RHOH: variants seen among roughly 807,000 people sequenced by gnomAD.
RHOH encodes the protein rho-related GTP-binding protein RhoH.
A neutral mutation model predicts 13.8 loss-of-function variants in RHOH; 6 were observed. That is an observed-to-expected ratio of 0.44 (90% CI 0.24 to 0.86). The LOEUF (loss-of-function observed/expected upper bound fraction) is 0.86. Among genes scored for constraint, RHOH ranks in the 40% least tolerant of loss-of-function variants. RHOH has a pLI of 0.24. For missense variants in RHOH, 147 were observed against 244.5 expected (o/e 0.60, Z 2.66); for synonymous variants, 117 against 103.0 (o/e 1.14, Z -0.82).
chr4:40,235,853 G>A (rs534228729), intron 1 of RHOH, among the ~76,000 whole-genome samples: 1 of 151,932 alleles, frequency 6.6e-6, no homozygotes, highest in East Asian at 1.9e-4. Context: ...ATAGTAGCAC[G>A]CAACTGTAGT....
intron 1 of RHOH, among the ~76,000 whole-genome samples, chr4:40,236,099 G>A (rs545053477): frequency 1.8e-4 from 28 of 152,326 alleles, no homozygotes; most frequent in South Asian, 1.2e-3. Context: ...GGGAATTACA[G>A]TGTGTGTTGG....
intron 1 of RHOH, among the ~76,000 whole-genome samples, chr4:40,219,844 G>T (rs1324821756): frequency 1.3e-5 from 2 of 152,150 alleles, no homozygotes; most frequent in African/African-American, 4.8e-5. Context: ...ATGTTGCATA[G>T]TCTGGAGAAA....
chr4:40,235,711 T>C (rs1285638530), intron 1 of RHOH, among the ~76,000 whole-genome samples: 3 of 149,816 alleles, frequency 2.0e-5, no homozygotes, highest in South Asian at 4.2e-4. Context: ...CAGTAGCTCA[T>C]GCCTGTAATC....
At chr4:40,214,915 C>T (rs1266299941) in intron 1 of RHOH, among the ~76,000 whole-genome samples, 2 of 152,262 alleles carry the variant, frequency 1.3e-5, no homozygotes, top group Non-Finnish European at 2.9e-5. Flanking sequence ...GGAAAGAATA[C>T]ACAGGCTGTG....
At chr4:40,227,398 G>A (rs1024809194) in intron 1 of RHOH, among the ~76,000 whole-genome samples, 1 of 152,238 alleles carries the variant, frequency 6.6e-6, no homozygotes, top group Non-Finnish European at 1.5e-5. Context: ...ATCCTGTGTA[G>A]ATGGAAAGTG....
intron 1 of RHOH, among the ~76,000 whole-genome samples, chr4:40,236,869 G>A (rs1241288136): frequency 1.3e-5 from 2 of 151,984 alleles, no homozygotes; most frequent in African/African-American, 4.8e-5. Context: ...CACATATATA[G>A]CTAATTATGG....
At chr4:40,197,952 T>C (rs1269305437) in intron 1 of RHOH, among the ~76,000 whole-genome samples, 1 of 152,192 alleles carries the variant, frequency 6.6e-6, no homozygotes, top group African/African-American at 2.4e-5. Context: ...TAAATGAAAG[T>C]TGCCATTGAC....
At chr4:40,234,563 C>T (rs763141973) in intron 1 of RHOH, among the ~76,000 whole-genome samples, 5 of 151,948 alleles carry the variant, frequency 3.3e-5, no homozygotes, top group Non-Finnish European at 5.9e-5. Context: ...GAGGGCAGGA[C>T]ACACGGCTCA....
At chr4:40,220,232 C>A (rs529444504) in intron 1 of RHOH, among the ~76,000 whole-genome samples, 1 of 152,244 alleles carries the variant, frequency 6.6e-6, no homozygotes. Flanking sequence ...AGTCCTATTT[C>A]TTTCTCTCCT....
chr4:40,214,800 A>C (rs1281612821), intron 1 of RHOH, among the ~76,000 whole-genome samples: 1 of 152,120 alleles, frequency 6.6e-6, no homozygotes. Flanking sequence ...GCTTAGGCTA[A>C]TGCATATTCT....
At chr4:40,228,947 C>T (rs138426990) in intron 1 of RHOH, among the ~76,000 whole-genome samples, 1,735 of 152,218 alleles carry the variant, frequency 0.011, 23 homozygotes, top group African/African-American at 0.039. Flanking sequence ...CCAGGGAGGG[C>T]CGAGGGAAGT....
At chr4:40,213,681 C>T (rs1725550082) in intron 1 of RHOH, among the ~76,000 whole-genome samples, 2 of 152,174 alleles carry the variant, frequency 1.3e-5, no homozygotes, top group African/African-American at 4.8e-5. Context: ...TCAGATGGGT[C>T]ATCTGAGGAC....
At chr4:40,212,863 T>C (rs1725426619) in intron 1 of RHOH, 1 of 152,228 alleles carries the variant, frequency 6.6e-6, no homozygotes, top group Non-Finnish European at 1.5e-5. Context: ...AGGGTCAGAC[T>C]TCCTTGCAGG....
chr4:40,219,120 A>T (rs1726225945), intron 1 of RHOH, among the ~76,000 whole-genome samples: 1 of 151,988 alleles, frequency 6.6e-6, no homozygotes, highest in African/African-American at 2.4e-5. Flanking sequence ...GTATATAAAA[A>T]TGTGTGTGTG....
At position 40,212,454 on chromosome 4, in the gene RHOH, C is replaced by T. The variant is rs573019354; in HGVS notation, c.-331+15154C>T. ...GGCTACCGGTGCTATTTGAAGTCAA[C>T]GAGGGCTTGCACTTAGCTGGGAATG... On this transcript the variant is annotated intron_variant, in intron 1 of 2. Transcript: ENST00000381799. Among the ~76,000 whole-genome samples the T allele has an allele frequency of 1.2e-4, 19 of 152,220 alleles. No homozygotes were observed. In the South Asian group the frequency reaches 3.5e-3, roughly 28 times the overall value.
At chr4:40,216,423 C>A (rs532706310) in intron 1 of RHOH, among the ~76,000 whole-genome samples, 1 of 152,050 alleles carries the variant, frequency 6.6e-6, no homozygotes, top group East Asian at 1.9e-4. Flanking sequence ...AAGCCGAGAT[C>A]GCACCACTGC....
At chr4:40,216,528 T>G (rs552964316) in intron 1 of RHOH, among the ~76,000 whole-genome samples, 1 of 152,268 alleles carries the variant, frequency 6.6e-6, no homozygotes, top group African/African-American at 2.4e-5. Flanking sequence ...ATATGATTCT[T>G]TAGGCAAGAG....
At chr4:40,192,383 G>A (rs896885538), upstream of RHOH, among the ~76,000 whole-genome samples, 2 of 152,186 alleles carry the variant, frequency 1.3e-5, no homozygotes, top group Non-Finnish European at 2.9e-5. Flanking sequence ...TAATAGCAAG[G>A]GGGAGGGAAA....
chr4:40,206,332 G>A (rs909856419), intron 1 of RHOH, among the ~76,000 whole-genome samples: 3 of 151,304 alleles, frequency 2.0e-5, no homozygotes, highest in East Asian at 1.9e-4. Flanking sequence ...TTTTTTCTCA[G>A]TTGCCACAAA....
Sources: allele counts gnomAD v4.1 joint callset (sites outside exome capture counted in the v4.1 genomes callset), GRCh38; gene constraint gnomAD v4.1.1; transcripts MANE v1.5; gene names NCBI Gene and HGNC (gene_info 2026-07-23, HGNC 2026-07-21).